PHLDB2: variants seen among roughly 807,000 people sequenced by gnomAD.
PHLDB2 encodes pleckstrin homology-like domain family B member 2.
In PHLDB2, 71 loss-of-function variants were observed where a neutral mutation model predicts 123.6. The ratio of observed to expected loss-of-function variants is 0.57; its 90% confidence interval spans 0.47 to 0.70. The LOEUF (loss-of-function observed/expected upper bound fraction) is 0.70, where lower values mean the gene tolerates loss of function less well. PHLDB2 is among the 30% of genes least tolerant of loss of function. The pLI is 0.00. For missense variants in PHLDB2, 1,446 were observed against 1,519.5 expected (o/e 0.95, Z 0.80); for synonymous variants, 547 against 541.6 (o/e 1.01, Z -0.14).
chr3:111,818,652 G>C (rs1474855419), intron 1 of PHLDB2, among the ~76,000 whole-genome samples: 2 of 152,118 alleles, frequency 1.3e-5, no homozygotes, highest in Middle Eastern at 3.2e-3. Context: ...TTGCTAGCTA[G>C]AGCCTTACTA....
At chr3:111,850,348 T>C (rs2064197555) in intron 2 of PHLDB2, among the ~76,000 whole-genome samples, 1 of 152,134 alleles carries the variant, frequency 6.6e-6, no homozygotes, top group Non-Finnish European at 1.5e-5. Flanking sequence ...ATTAGGTAAA[T>C]GTACACTACT....
intron 2 of PHLDB2, among the ~76,000 whole-genome samples, chr3:111,848,629 A>G (rs2064118102): frequency 1.3e-5 from 2 of 152,170 alleles, no homozygotes; most frequent in African/African-American, 4.8e-5. Flanking sequence ...GTGGGGAGAA[A>G]AATACTGCCT....
rs553267753 is a variant in PHLDB2 at position 111,959,148 on chromosome 3, G to A, written c.2873-2960G>A. ...CCTGATCTTCTATGACGTTTCCTCT[G>A]TTTAAAATATCTATGCCTTTGGATG... On this transcript the variant is annotated intron_variant, in intron 12 of 17. Transcript: ENST00000431670. 9.2e-5 allele frequency among the ~76,000 whole-genome samples: 14 copies of A among 152,362 alleles called. No individual in the cohort carries two copies. In the South Asian group the frequency reaches 1.4e-3, roughly 16 times the overall value.
At chr3:111,804,393 C>T (rs754387896) in intron 1 of PHLDB2, among the ~76,000 whole-genome samples, 8 of 152,122 alleles carry the variant, frequency 5.3e-5, no homozygotes, top group South Asian at 2.1e-4. Context: ...AAAACTTTGG[C>T]GAAGTTTTAA....
At chr3:111,744,188 T>G (rs2059647661) in intron 1 of PHLDB2, among the ~76,000 whole-genome samples, 1 of 152,158 alleles carries the variant, frequency 6.6e-6, no homozygotes, top group Non-Finnish European at 1.5e-5. Flanking sequence ...TCTATAATGA[T>G]ATGAAGAAAT....
chr3:111,824,090 C>T (rs2062535639), intron 1 of PHLDB2, among the ~76,000 whole-genome samples: 1 of 152,218 alleles, frequency 6.6e-6, no homozygotes, highest in Non-Finnish European at 1.5e-5. Context: ...CTGCAGATAA[C>T]TTGAAACCAT....
intron 1 of PHLDB2, among the ~76,000 whole-genome samples, chr3:111,806,908 T>C (rs2061614179): frequency 6.6e-6 from 1 of 151,574 alleles, no homozygotes. Context: ...AGTGCTGGGA[T>C]TACAAGCATA....
intron 2 of PHLDB2, among the ~76,000 whole-genome samples, chr3:111,890,013 A>G (rs1471883819): frequency 6.6e-6 from 1 of 152,178 alleles, no homozygotes; most frequent in African/African-American, 2.4e-5. Context: ...CCAGATCTCA[A>G]AAGACTGATT....
intron 1 of PHLDB2, among the ~76,000 whole-genome samples, chr3:111,767,661 C>G (rs1052144114): frequency 2.0e-5 from 3 of 152,154 alleles, no homozygotes; most frequent in Non-Finnish European, 4.4e-5. Flanking sequence ...CTGTACCTGG[C>G]ATATAGTGAA....
At chr3:111,834,382 T>C (rs1261043056) in intron 1 of PHLDB2, among the ~76,000 whole-genome samples, 7 of 145,308 alleles carry the variant, frequency 4.8e-5, no homozygotes, top group Admixed American at 4.3e-4. Context: ...ATCTGATTTT[T>C]ATATATATGT....
intron 1 of PHLDB2, among the ~76,000 whole-genome samples, chr3:111,871,603 A>C (rs2065344745): frequency 6.6e-6 from 1 of 152,196 alleles, no homozygotes; most frequent in South Asian, 2.1e-4. Flanking sequence ...GCAGTGAGGC[A>C]AGATTGTGCC....
intron 1 of PHLDB2, among the ~76,000 whole-genome samples, chr3:111,819,697 A>G (rs1212120820): frequency 6.6e-6 from 1 of 152,218 alleles, no homozygotes; most frequent in Non-Finnish European, 1.5e-5. Context: ...CTCAGAAAAC[A>G]AACCCACTAT....
At chr3:111,820,397 C>T (rs749796210) in intron 1 of PHLDB2, among the ~76,000 whole-genome samples, 5 of 152,178 alleles carry the variant, frequency 3.3e-5, no homozygotes, top group Non-Finnish European at 5.9e-5. Flanking sequence ...AATTCTCAGA[C>T]CCCTTGGCAT....
chr3:111,754,791 T>C (rs74316159), intron 1 of PHLDB2, among the ~76,000 whole-genome samples: 8 of 147,918 alleles, frequency 5.4e-5, no homozygotes, highest in Non-Finnish European at 1.0e-4. Context: ...GTGGGTTTGT[T>C]ATAGATAGCT....
chr3:111,873,164 C>T (rs972864371), intron 1 of PHLDB2, among the ~76,000 whole-genome samples: 3 of 152,166 alleles, frequency 2.0e-5, no homozygotes, highest in African/African-American at 7.2e-5. Context: ...CTGCTTGTTG[C>T]TTCCCTAGAG....
At chr3:111,886,277 C>G (rs921290867) in intron 2 of PHLDB2, among the ~76,000 whole-genome samples, 1 of 152,154 alleles carries the variant, frequency 6.6e-6, no homozygotes, top group Non-Finnish European at 1.5e-5. Context: ...CTAAAATATT[C>G]TAGAATATGA....
chr3:111,945,330 TC>T lies in PHLDB2; in HGVS notation c.2463del (p.Val822LeufsTer6). Reference protein sequence around the residue: ...YSSLSGGKGFPVNPNTLKEGY... With the variant: ...YSSLSGGKGFXVNPNTLKEGY... ...CCAGCCTCTCTGGGGGGAAAGGGTT[TC>T]CCGTTAACCCCAATACTTTAAAAGA... On this transcript the variant is annotated frameshift_variant, in exon 9 of 18. Transcript: ENST00000431670. LOFTEE classifies it high-confidence loss of function. 1 of 1,609,028 alleles carries T rather than the reference TC, an allele frequency of 6.2e-7. No homozygotes were observed. The highest frequency in any genetic ancestry group is 1.7e-4 in the Middle Eastern group (1 of 6,052).
intron 1 of PHLDB2, among the ~76,000 whole-genome samples, chr3:111,757,242 GT>G (rs1245226310): frequency 6.6e-6 from 1 of 152,184 alleles, no homozygotes; most frequent in African/African-American, 2.4e-5. Flanking sequence ...CCTGCAGAGT[GT>G]TTTCCAACTT....
chr3:111,735,053 C>T (rs540945726), intron 1 of PHLDB2, among the ~76,000 whole-genome samples: 47 of 152,258 alleles, frequency 3.1e-4, no homozygotes, highest in Non-Finnish European at 6.0e-4. Context: ...ATCTTTGTCC[C>T]TTTTTATACT....
Sources: allele counts gnomAD v4.1 joint callset (sites outside exome capture counted in the v4.1 genomes callset), GRCh38; gene constraint gnomAD v4.1.1; transcripts MANE v1.5; gene names NCBI Gene and HGNC (gene_info 2026-07-23, HGNC 2026-07-21).